WTAP: variants seen among roughly 807,000 people sequenced by gnomAD.
The protein encoded by WTAP is WT1 associated protein, also known as pre-mRNA-splicing regulator WTAP.
WTAP carries 8 observed loss-of-function variants against 50.0 expected under a neutral mutation model. The observed-to-expected ratio is 0.16, with a 90% CI of 0.09 to 0.29. WTAP has a LOEUF of 0.29. WTAP is among the 10% of genes least tolerant of loss of function. WTAP has a pLI of 1.00. For synonymous variants in WTAP, 194 were observed against 169.0 expected, an observed-to-expected ratio of 1.15 and a Z score of -1.15; for missense variants, 295 against 470.7, an observed-to-expected ratio of 0.63 and a Z score of 3.45.
intron 5 of WTAP, among the ~76,000 whole-genome samples, chr6:159,746,596 T>G (rs1437835386): frequency 2.0e-5 from 3 of 152,208 alleles, no homozygotes; most frequent in Non-Finnish European, 2.9e-5. Flanking sequence ...TCAATTTAGT[T>G]AGTTTTGAGC....
chr6:159,744,268 A>AT (rs1238333768), intron 5 of WTAP, among the ~76,000 whole-genome samples: 1 of 152,172 alleles, frequency 6.6e-6, no homozygotes, highest in African/African-American at 2.4e-5. Flanking sequence ...AGTATTTACT[A>AT]TGTCTACGTA....
At position 159,755,478 on chromosome 6, in the gene WTAP, CA is replaced by C; in HGVS notation, c.1061del (p.Asn354MetfsTer15). ...TGSENSLTHQ[S>X]NDTDSSHDPQ... is the part of the protein sequence containing the mutation. ...AGTGAAAACTCTCTCACACACCAATCAAATGACACAGACTCCAGTCATGACC... is the reference window on the plus strand; with the variant it reads ...AGTGAAAACTCTCTCACACACCAATCAATGACACAGACTCCAGTCATGACC... On this transcript the variant is annotated frameshift_variant, in exon 8 of 8. Transcript: ENST00000621533. LOFTEE classifies it high-confidence loss of function. 6.2e-7 allele frequency: 1 copy of C among 1,614,146 alleles called. No homozygotes were observed.
chr6:159,746,965 G>A (rs1319098421), intron 5 of WTAP, among the ~76,000 whole-genome samples: 2 of 152,192 alleles, frequency 1.3e-5, no homozygotes, highest in Non-Finnish European at 2.9e-5. Context: ...GGAGTGCACT[G>A]TAAGTCATGG....
chr6:159,742,739 T>C (rs1460877998), intron 4 of WTAP, among the ~76,000 whole-genome samples: 1 of 152,180 alleles, frequency 6.6e-6, no homozygotes, highest in Non-Finnish European at 1.5e-5. Flanking sequence ...GTGACTGTGT[T>C]ACCCATAGAA....
At chr6:159,746,341 T>C (rs947254200) in intron 5 of WTAP, among the ~76,000 whole-genome samples, 2 of 152,206 alleles carry the variant, frequency 1.3e-5, no homozygotes, top group African/African-American at 4.8e-5. Flanking sequence ...GAGGGTTTCT[T>C]ACCCTCTTGA....
At chr6:159,732,886 A>ATAGT (rs146623701) in intron 1 of WTAP, among the ~76,000 whole-genome samples, 174 of 146,484 alleles carry the variant, frequency 1.2e-3, no homozygotes, top group African/African-American at 3.3e-3. Flanking sequence ...ATATATATAT[A>ATAGT]GTGTGTGTGT....
rs1583064826 is a variant in WTAP, at chr6:159,731,900, A to G, written c.-9+4197A>G. ...TTTTAATGCCCTTTAAAAACAGATT[A>G]TCATCTCATTTTTTGCTAAGCTTAC... On this transcript the variant is annotated intron_variant, in intron 1 of 7. Coordinates refer to ENST00000621533, the MANE Select transcript of WTAP (RefSeq NM_001270531.2). Among the ~76,000 whole-genome samples the G allele has an allele frequency of 3.3e-5, 5 of 152,298 alleles. No individual in the cohort carries two copies. In the South Asian group the frequency reaches 1.0e-3, roughly 32 times the overall value.
intron 3 of WTAP, among the ~76,000 whole-genome samples, chr6:159,739,996 GT>G (rs201265156): frequency 6.6e-6 from 1 of 150,808 alleles, no homozygotes; most frequent in African/African-American, 2.4e-5. Flanking sequence ...TCAATGCTGG[GT>G]TTTTTTTTGT....
intron 2 of WTAP, among the ~76,000 whole-genome samples, chr6:159,738,198 A>G (rs1195712244): frequency 6.6e-6 from 1 of 152,244 alleles, no homozygotes; most frequent in Non-Finnish European, 1.5e-5. Context: ...AACTATCACC[A>G]TAAAGCTTCA....
At chr6:159,731,458 ACT>A (rs1778565022) in intron 1 of WTAP, among the ~76,000 whole-genome samples, 3 of 152,220 alleles carry the variant, frequency 2.0e-5, no homozygotes, top group East Asian at 1.9e-4. Flanking sequence ...ACAGAGTGAG[ACT>A]CTGTCTCAAA....
chr6:159,745,385 C>A (rs993973294), intron 5 of WTAP, among the ~76,000 whole-genome samples: 1 of 152,044 alleles, frequency 6.6e-6, no homozygotes, highest in African/African-American at 2.4e-5. Context: ...CTTGTCTCCT[C>A]GACCTGGATT....
intron 3 of WTAP, among the ~76,000 whole-genome samples, chr6:159,740,774 G>C (rs1207546309): frequency 1.3e-5 from 2 of 150,984 alleles, no homozygotes; most frequent in Non-Finnish European, 2.9e-5. Flanking sequence ...CGCGATCTCG[G>C]CTCACTGCAA....
chr6:159,740,460 C>T (rs1367143307), intron 3 of WTAP, among the ~76,000 whole-genome samples: 1 of 152,090 alleles, frequency 6.6e-6, no homozygotes, highest in East Asian at 1.9e-4. Flanking sequence ...CTAGTCTGTG[C>T]CTTCTATCCT....
At chr6:159,753,001 A>G (rs2114957273) in intron 6 of WTAP, among the ~76,000 whole-genome samples, 1 of 152,340 alleles carries the variant, frequency 6.6e-6, no homozygotes, top group South Asian at 2.1e-4. Context: ...GCAAGAATAA[A>G]TACTCTCATT....
intron 1 of WTAP, 118 bp from the exon 2 acceptor site, chr6:159,736,140 A>G (rs1778898827): frequency 9.8e-7 from 1 of 1,022,036 alleles, no homozygotes; most frequent in Non-Finnish European, 1.4e-6. Context: ...TTAAATTCTA[A>G]TTATTCAACA....
chr6:159,729,066 A>G (rs1778404030), intron 1 of WTAP, among the ~76,000 whole-genome samples: 1 of 152,226 alleles, frequency 6.6e-6, no homozygotes, highest in Non-Finnish European at 1.5e-5. Context: ...ATAAGCTGGT[A>G]GAGATGAAAC....
intron 1 of WTAP, among the ~76,000 whole-genome samples, chr6:159,735,770 T>C (rs1306511254): frequency 6.6e-6 from 1 of 151,894 alleles, no homozygotes; most frequent in African/African-American, 2.4e-5. Context: ...AAATAAAATA[T>C]ATAATATATC....
chr6:159,732,560 C>T (rs2842971), intron 1 of WTAP, among the ~76,000 whole-genome samples: 69,241 of 152,020 alleles, frequency 0.46, 17,931 homozygotes, highest in Non-Finnish European at 0.58. Context: ...ATTGGCCGGG[C>T]GCAGTAGCTT....
At chr6:159,741,970 A>G (rs1445751720) in intron 3 of WTAP, 118 bp from the exon 4 acceptor site, 8 of 779,684 alleles carry the variant, frequency 1.0e-5, no homozygotes, top group Non-Finnish European at 1.7e-5. Flanking sequence ...TAGATTTAAA[A>G]TGAAAAATCC....
Sources: allele counts gnomAD v4.1 joint callset (sites outside exome capture counted in the v4.1 genomes callset), GRCh38; gene constraint gnomAD v4.1.1; transcripts MANE v1.5; gene names NCBI Gene and HGNC (gene_info 2026-07-23, HGNC 2026-07-21).